Variants in ADAMTS6 observed in about 807,000 individuals in gnomAD.
ADAMTS6 encodes ADAM metallopeptidase with thrombospondin type 1 motif 6.
A neutral mutation model predicts 144.3 loss-of-function variants in ADAMTS6; 23 were observed. That is an observed-to-expected ratio of 0.16 (90% CI 0.11 to 0.23). The LOEUF is 0.23. Among genes scored for constraint, ADAMTS6 ranks in the 10% least tolerant of loss-of-function variants. The pLI is 1.00. For missense variants in ADAMTS6, 999 were observed against 1,379.6 expected, an observed-to-expected ratio of 0.72 and a Z score of 4.37; for synonymous variants, 444 against 457.5, an observed-to-expected ratio of 0.97 and a Z score of 0.38.
intron 4 of ADAMTS6, among the ~76,000 whole-genome samples, chr5:65,458,942 T>C (rs1413852406): frequency 1.3e-5 from 2 of 152,088 alleles, no homozygotes; most frequent in East Asian, 3.9e-4. Flanking sequence ...CTCAGAGAGG[T>C]TGGGTAATTC....
chr5:65,246,397 T>C (rs1759634117), intron 14 of ADAMTS6, among the ~76,000 whole-genome samples: 1 of 152,176 alleles, frequency 6.6e-6, no homozygotes, highest in South Asian at 2.1e-4. Context: ...CTGGCAGATA[T>C]AATCTAGGCT....
intron 7 of ADAMTS6, among the ~76,000 whole-genome samples, chr5:65,425,387 T>A (rs575800980): frequency 1.5e-3 from 228 of 152,294 alleles, no homozygotes; most frequent in Non-Finnish European, 2.8e-3. Context: ...CTAATGGATT[T>A]TTCTATCCTA....
In ADAMTS6 at chr5:65,478,496, GTCTA is replaced by G. The variant is rs1438893616; in HGVS notation, c.-280+2843_-280+2846del. On this transcript the variant is annotated intron_variant, in intron 1 of 24. Transcript: ENST00000381055. Reference sequence around the variant, plus strand: ...TAATCTATAAAACCATGATATTGATGTCTATCTCACAAAGACTTGTTAAGAGATT... The same window carrying G: ...TAATCTATAAAACCATGATATTGATGTCTCACAAAGACTTGTTAAGAGATT... Among the ~76,000 whole-genome samples the G allele has an allele frequency of 2.0e-5, 3 of 152,286 alleles. No individual in the cohort carries two copies. In the East Asian group the frequency reaches 5.8e-4, roughly 29 times the overall value.
chr5:65,240,626 G>A (rs758372304), intron 15 of ADAMTS6, among the ~76,000 whole-genome samples: 8 of 152,018 alleles, frequency 5.3e-5, no homozygotes, highest in African/African-American at 9.7e-5. Flanking sequence ...TTTTCCCCAC[G>A]CTTTCTGCCA....
At position 65,273,461 on chromosome 5, in the gene ADAMTS6, C is replaced by T; in HGVS notation, c.1513-14G>A. The T allele has an allele frequency of 6.2e-7, 1 of 1,601,642 alleles. No homozygotes were observed. Among genetic ancestry groups the T allele is most frequent in the Non-Finnish European group, 8.6e-7 (1 of 1,169,326 alleles). On this transcript the variant is annotated splice_polypyrimidine_tract_variant and intron_variant, in intron 11 of 24. Transcript: ENST00000381055. ...TCTACACACTTCCTAGGAAAGAAGG[C>T]AAAAGCAAGTTGATCAGAAATAGAG...
intron 11 of ADAMTS6, among the ~76,000 whole-genome samples, chr5:65,281,697 A>T (rs1763000741): frequency 6.6e-6 from 1 of 152,142 alleles, no homozygotes; most frequent in South Asian, 2.1e-4. Context: ...ACAATAATTT[A>T]AAATATTAAC....
At chr5:65,219,768 A>G (rs1757181108) in intron 18 of ADAMTS6, among the ~76,000 whole-genome samples, 1 of 152,224 alleles carries the variant, frequency 6.6e-6, no homozygotes, top group Non-Finnish European at 1.5e-5. Flanking sequence ...TGCTCAATAT[A>G]TCAAGAAGAT....
intron 7 of ADAMTS6, among the ~76,000 whole-genome samples, chr5:65,358,447 C>T (rs1749542374): frequency 6.6e-6 from 1 of 151,932 alleles, no homozygotes; most frequent in African/African-American, 2.4e-5. Flanking sequence ...AATTTCTGTA[C>T]TCCTCAAAGC....
chr5:65,327,833 T>C (rs1348939318), intron 9 of ADAMTS6, among the ~76,000 whole-genome samples: 1 of 152,218 alleles, frequency 6.6e-6, no homozygotes, highest in Non-Finnish European at 1.5e-5. Context: ...AACTTGTGAC[T>C]ACATAAGATA....
chr5:65,435,358 A>AT (rs1757309378), intron 7 of ADAMTS6, among the ~76,000 whole-genome samples: 1 of 152,102 alleles, frequency 6.6e-6, no homozygotes, highest in Admixed American at 6.5e-5. Flanking sequence ...TTTATGAGTA[A>AT]TTTTTTATTT....
At chr5:65,455,414 C>T (rs1049366810) in intron 4 of ADAMTS6, among the ~76,000 whole-genome samples, 3 of 152,046 alleles carry the variant, frequency 2.0e-5, no homozygotes, top group Admixed American at 6.6e-5. Context: ...TGGTGGCAGG[C>T]GCCTGTAATC....
intron 7 of ADAMTS6, among the ~76,000 whole-genome samples, chr5:65,433,915 A>G (rs1757186770): frequency 6.6e-6 from 1 of 152,198 alleles, no homozygotes; most frequent in South Asian, 2.1e-4. Flanking sequence ...GTATATACTC[A>G]AGAGAAATGA....
intron 9 of ADAMTS6, among the ~76,000 whole-genome samples, chr5:65,302,117 T>A (rs1228256722): frequency 7.0e-5 from 10 of 142,964 alleles, no homozygotes; most frequent in African/African-American, 2.0e-4. Flanking sequence ...AATATATATA[T>A]ATATATATAT....
At chr5:65,350,298 G>A (rs1284721912) in intron 7 of ADAMTS6, among the ~76,000 whole-genome samples, 1 of 152,096 alleles carries the variant, frequency 6.6e-6, no homozygotes, top group Non-Finnish European at 1.5e-5. Context: ...AGAACATCTG[G>A]CCTCCATCCT....
chr5:65,435,772 C>T (rs1030517267), intron 7 of ADAMTS6, among the ~76,000 whole-genome samples: 2 of 151,650 alleles, frequency 1.3e-5, no homozygotes, highest in Non-Finnish European at 2.9e-5. Flanking sequence ...ATTACAGGCA[C>T]GTGCCATCAC....
At chr5:65,403,875 C>G (rs10065799) in intron 7 of ADAMTS6, among the ~76,000 whole-genome samples, 92,786 of 151,872 alleles carry the variant, frequency 0.61, 30,286 homozygotes, top group African/African-American at 0.85. Context: ...TAAAATGTAA[C>G]CTCTTCAGAA....
intron 9 of ADAMTS6, among the ~76,000 whole-genome samples, chr5:65,305,200 G>C (rs1484420372): frequency 6.6e-6 from 1 of 152,114 alleles, no homozygotes; most frequent in East Asian, 1.9e-4. Context: ...TACTATTTTT[G>C]AATCTGGGTA....
chr5:65,428,573 C>G (rs1446629703), intron 7 of ADAMTS6, among the ~76,000 whole-genome samples: 1 of 152,144 alleles, frequency 6.6e-6, no homozygotes, highest in Admixed American at 6.5e-5. Flanking sequence ...ACTTAACTGC[C>G]AAGCACCAAA....
At chr5:65,388,902 A>T (rs1393302937) in intron 7 of ADAMTS6, among the ~76,000 whole-genome samples, 1 of 152,148 alleles carries the variant, frequency 6.6e-6, no homozygotes, top group Non-Finnish European at 1.5e-5. Flanking sequence ...AAAAGTCACA[A>T]TGCTATAGAA....
Sources: allele counts gnomAD v4.1 joint callset (sites outside exome capture counted in the v4.1 genomes callset), GRCh38; gene constraint gnomAD v4.1.1; transcripts MANE v1.5; gene names NCBI Gene and HGNC (gene_info 2026-07-23, HGNC 2026-07-21).